The following PTPRN2 variants were observed in gnomAD, a reference collection of about 807,000 sequenced individuals.
PTPRN2 encodes the protein protein tyrosine phosphatase receptor type N2, also known as receptor-type tyrosine-protein phosphatase N2.
A neutral mutation model predicts 118.8 loss-of-function variants in PTPRN2; 74 were observed. The observed-to-expected ratio is 0.62, with a 90% confidence interval of 0.52 to 0.76. The LOEUF (loss-of-function observed/expected upper bound fraction) is 0.76, where lower values mean the gene tolerates loss of function less well. Among genes scored for constraint, PTPRN2 ranks in the 30% least tolerant of loss-of-function variants. The probability of loss-of-function intolerance (pLI) is 0.00; values close to 1 mark genes in which losing one functional copy is unlikely to be tolerated. For missense variants in PTPRN2, 1,481 were observed against 1,394.4 expected, an observed-to-expected ratio of 1.06 and a Z score of -0.99; for synonymous variants, 641 against 608.0, an observed-to-expected ratio of 1.05 and a Z score of -0.80.
chr7:157,701,746 C>G (rs1798076861), intron 12 of PTPRN2, among the ~76,000 whole-genome samples: 1 of 152,244 alleles, frequency 6.6e-6, no homozygotes, highest in African/African-American at 2.4e-5. Context: ...TATAAGAGAG[C>G]CGGGTCAATG....
chr7:158,432,552 A>C (rs1240192004), intron 2 of PTPRN2, among the ~76,000 whole-genome samples: 2 of 152,268 alleles, frequency 1.3e-5, no homozygotes, highest in African/African-American at 4.8e-5. Flanking sequence ...TTCTGAGACT[A>C]TCAGTAAAGA....
In PTPRN2 at chr7:157,755,238, A is replaced by G. The variant is rs566915284; in HGVS notation, c.1789-72301T>C. 7.9e-5 allele frequency among the ~76,000 whole-genome samples: 12 copies of G among 152,358 alleles called. No homozygotes were observed. The South Asian group carries it at 2.5e-3, about 32-fold the overall frequency. ...TTATGAAAGATGTAAATATGTAAAT[A>G]TTGAGATGTTTAGACTATTCAAGCT... On this transcript the variant is annotated intron_variant, in intron 12 of 22. Coordinates refer to ENST00000389418, the MANE Select transcript of PTPRN2 (RefSeq NM_002847.5).
intron 2 of PTPRN2, among the ~76,000 whole-genome samples, chr7:158,346,074 G>A (rs535340747): frequency 6.6e-6 from 1 of 152,360 alleles, no homozygotes; most frequent in East Asian, 1.9e-4. Flanking sequence ...ACAAGGCAAT[G>A]CTATGATTTA....
chr7:157,654,596 C>T (rs1297488372), intron 14 of PTPRN2, among the ~76,000 whole-genome samples: 1 of 152,108 alleles, frequency 6.6e-6, no homozygotes. Context: ...CCTCGATGAC[C>T]CCCCAACAGG....
At chr7:157,754,354 T>C (rs1169866635) in intron 12 of PTPRN2, among the ~76,000 whole-genome samples, 1 of 152,262 alleles carries the variant, frequency 6.6e-6, no homozygotes, top group African/African-American at 2.4e-5. Flanking sequence ...GGCAGTGCTC[T>C]GAGCTGGGGG....
At chr7:158,521,006 A>G (rs899554388) in intron 1 of PTPRN2, among the ~76,000 whole-genome samples, 1 of 152,206 alleles carries the variant, frequency 6.6e-6, no homozygotes, top group Non-Finnish European at 1.5e-5. Context: ...CGTCCCTCTT[A>G]TCTCTCCCAC....
chr7:158,270,834 G>GGACCACCTCCTCCACCTGGACC (rs1228566587), intron 3 of PTPRN2, among the ~76,000 whole-genome samples: 2 of 7,654 alleles, frequency 2.6e-4, no homozygotes, highest in Non-Finnish European at 2.8e-4. Context: ...CCACCTGGAT[G>GGACCACCTCCTCCACCTGGACC]ACCCCCTCAC....
intron 12 of PTPRN2, among the ~76,000 whole-genome samples, chr7:157,810,909 G>A (rs888537779): frequency 6.6e-6 from 1 of 152,108 alleles, no homozygotes; most frequent in Non-Finnish European, 1.5e-5. Context: ...GGGCTCTGAA[G>A]ACTGAGCACT....
chr7:158,192,470 C>G lies in PTPRN2; in HGVS notation c.406G>C (p.Glu136Gln), dbSNP rs146516476. Residue 136 changes from glutamate (E) to glutamine (Q), a missense_variant, in exon 5 of 23, where the codon GAG becomes CAG. Glu to Gln is a conservative substitution (Grantham distance 29, BLOSUM62 2). Around this residue, in one of 3 missense-constraint regions of PTPRN2, gnomAD observed 1,115 missense variants for 994.2 expected, o/e 1.12. Coordinates refer to ENST00000389418, the MANE Select transcript of PTPRN2 (RefSeq NM_002847.5). ...CCGCCCTCCCGACTGTACCTCCTCT[C>G]GCTGCCAACGCTGTGTTTTGAGGGC... ...ARPSKHSVGS[E>Q]RRYSREGGAA... is the part of the protein sequence containing the mutation. 6 of 1,578,372 alleles carry G rather than the reference C, an allele frequency of 3.8e-6. No homozygotes were observed. Among genetic ancestry groups the G allele is most frequent in the African/African-American group, 1.4e-5 (1 of 72,270 alleles).
At chr7:158,255,106 C>G (rs1449455638) in intron 3 of PTPRN2, among the ~76,000 whole-genome samples, 3 of 152,198 alleles carry the variant, frequency 2.0e-5, no homozygotes, top group African/African-American at 7.2e-5. Flanking sequence ...CACAGAGCAA[C>G]CCAAAAGCTC....
chr7:157,898,283 A>G (rs1797248766), intron 12 of PTPRN2, among the ~76,000 whole-genome samples: 1 of 152,252 alleles, frequency 6.6e-6, no homozygotes, highest in Non-Finnish European at 1.5e-5. Context: ...TGAAGATACA[A>G]GTATGTCCCA....
chr7:157,856,134 G>C (rs943993026), intron 12 of PTPRN2: 10 of 152,204 alleles, frequency 6.6e-5, no homozygotes, highest in Non-Finnish European at 1.5e-4. Context: ...TAACACGGTG[G>C]GATGTCTTGG....
intron 3 of PTPRN2, among the ~76,000 whole-genome samples, chr7:158,276,069 A>C (rs1312641511): frequency 3.3e-5 from 5 of 152,110 alleles, no homozygotes; most frequent in Non-Finnish European, 7.4e-5. Context: ...CTGGGAGCCC[A>C]CCGGTCAGCC....
intron 2 of PTPRN2, among the ~76,000 whole-genome samples, chr7:158,369,582 A>G (rs1809805202): frequency 6.6e-6 from 1 of 152,188 alleles, no homozygotes; most frequent in African/African-American, 2.4e-5. Context: ...GAATCTGCTC[A>G]TTCACCAATC....
chr7:157,977,754 G>A lies in PTPRN2; in HGVS notation c.1724-79017C>T, dbSNP rs549547001. Among the ~76,000 whole-genome samples, 1 of 151,970 alleles carries A rather than the reference G, an allele frequency of 6.6e-6. No individual in the cohort carries two copies. The highest frequency in any genetic ancestry group is 1.9e-4 in the East Asian group (1 of 5,172). On this transcript the variant is annotated intron_variant, in intron 11 of 22. Transcript: ENST00000389418. This position sits in a 1 kb window ranked among gnomAD's most constrained non-coding sequence, Gnocchi z 4.6. ...GAGAGGTAGGATCTGGTACCATCTC[G>A]AGAGGCTGCAGCAGGGACACTTGAA...
At chr7:158,126,658 C>T (rs1008833424) in intron 9 of PTPRN2, among the ~76,000 whole-genome samples, 7 of 146,166 alleles carry the variant, frequency 4.8e-5, no homozygotes, top group Non-Finnish European at 1.0e-4. Flanking sequence ...TCCACCACAC[C>T]AGCCCCCAGG....
At chr7:157,652,517 T>C (rs1805728883) in intron 14 of PTPRN2, among the ~76,000 whole-genome samples, 2 of 152,230 alleles carry the variant, frequency 1.3e-5, no homozygotes, top group African/African-American at 4.8e-5. Context: ...CCTGCTGTCA[T>C]GGCAGAGCGG....
chr7:157,688,380 C>G (rs1797297574), intron 12 of PTPRN2, among the ~76,000 whole-genome samples: 1 of 152,210 alleles, frequency 6.6e-6, no homozygotes. Flanking sequence ...CAAACTAATT[C>G]TAACCAGCAG....
At chr7:158,317,030 C>T (rs1197171910) in intron 2 of PTPRN2, 98 bp from the exon 3 acceptor site, 2 of 890,028 alleles carry the variant, frequency 2.2e-6, no homozygotes, top group South Asian at 3.6e-5. Context: ...TGATCATGTG[C>T]CGCCGTGAGG....
Sources: allele counts gnomAD v4.1 joint callset (sites outside exome capture counted in the v4.1 genomes callset), GRCh38; gene constraint gnomAD v4.1.1; regional missense constraint gnomAD v4.1.1; non-coding constraint Gnocchi (gnomAD v3.1); transcripts MANE v1.5; gene names NCBI Gene and HGNC (gene_info 2026-07-23, HGNC 2026-07-21).